Variants in FAT4 observed in about 807,000 individuals in gnomAD.
The protein encoded by FAT4 is protocadherin Fat 4.
A neutral mutation model predicts 303.9 loss-of-function variants in FAT4; 84 were observed. That is an observed-to-expected ratio of 0.28 (90% CI 0.23 to 0.33). The LOEUF is 0.33. FAT4 is among the 10% of genes least tolerant of loss of function. The pLI, the probability that FAT4 is intolerant of heterozygous loss-of-function variation, is 1.00. For missense variants in FAT4, 6,005 were observed against 6,146.8 expected (o/e 0.98, Z 0.77); for synonymous variants, 2,307 against 2,298.8 (o/e 1.00, Z -0.10).
intron 5 of FAT4, among the ~76,000 whole-genome samples, chr4:125,412,489 G>C (rs896478190): frequency 5.3e-5 from 8 of 151,484 alleles, no homozygotes; most frequent in African/African-American, 1.9e-4. Flanking sequence ...GAATATAAAA[G>C]CAAATTTTTC....
In FAT4 at chr4:125,468,924, C is replaced by T. The variant is rs1726766837; in HGVS notation, c.12213+105C>T. 3 of 1,216,020 alleles carry T rather than the reference C, an allele frequency of 2.5e-6. No homozygotes were observed. In the African/African-American group the frequency reaches 4.6e-5, roughly 19 times the overall value. 75.3% of individuals were successfully genotyped at this position (1,216,020 alleles called of 1,614,324 possible). A position where few individuals can be genotyped will look rare whatever the true frequency, so the allele number is the denominator to read the frequency against. On this transcript the variant is annotated intron_variant, in intron 12 of 17. Coordinates refer to ENST00000394329, the MANE Select transcript of FAT4 (RefSeq NM_001291303.3). ...AAATTAGGTTTATTCATTAAATGAA[C>T]ACTTTAGTTATGAAAAACTTAGACA...
chr4:125,463,985 A>G (rs1470317418), intron 11 of FAT4, among the ~76,000 whole-genome samples: 1 of 151,970 alleles, frequency 6.6e-6, no homozygotes, highest in Non-Finnish European at 1.5e-5. Flanking sequence ...TTCTGTAAGC[A>G]CTCTTTCACG....
At chr4:125,385,375 T>G (rs752350966) in intron 2 of FAT4, among the ~76,000 whole-genome samples, 3 of 152,138 alleles carry the variant, frequency 2.0e-5, no homozygotes, top group African/African-American at 4.8e-5. Flanking sequence ...ATTGATTCCT[T>G]AAATTAAATT....
rs1191767351 is a variant in FAT4 at position 125,342,202 on chromosome 4, AATAATTTT to A, written c.5175+20618_5175+20625del. The stretch of plus-strand genomic sequence containing the variant: ...TCAAACATATTAAAGAGTACTATAA[AATAATTTT>A]AACTTTTGATCTATAAATTTCTAAA... On this transcript the variant is annotated intron_variant, in intron 2 of 17. Coordinates refer to ENST00000394329, the MANE Select transcript of FAT4 (RefSeq NM_001291303.3). Among the ~76,000 whole-genome samples, 69 of 152,012 alleles carry A rather than the reference AATAATTTT, an allele frequency of 4.5e-4. 1 individual carries two copies. Among genetic ancestry groups the A allele is most frequent in the Non-Finnish European group, 1.6e-4 (11 of 67,880 alleles).
Position 125,315,632 on chromosome 4 carries a change from C to A in FAT4, c.-358C>A, listed in dbSNP as rs946501435. ...CCTGGCTGTTGTTTGTGCCGGACCA[C>A]GGGCTTGAAGCCGCAACAGGGGCGG... is the stretch of plus-strand genomic sequence containing the variant. On this transcript the variant is annotated 5_prime_UTR_variant, in exon 1 of 18. Coordinates refer to ENST00000394329, the MANE Select transcript of FAT4 (RefSeq NM_001291303.3). Among the ~76,000 whole-genome samples the A allele has an allele frequency of 2.6e-5, 4 of 152,176 alleles. No individual in the cohort carries two copies. Among genetic ancestry groups the A allele is most frequent in the Admixed American group, 1.3e-4 (2 of 15,288 alleles).
rs748075054 is a variant in FAT4, at chr4:125,451,603, C to A, written c.10593C>A (p.Thr3531=). 1.2e-6 allele frequency: 2 copies of A among 1,613,934 alleles called. No individual in the cohort carries two copies. Among genetic ancestry groups the A allele is most frequent in the African/African-American group, 1.3e-5 (1 of 74,876 alleles). ...ENKRPGTLVM[T]LQSTDPDLPP... ...AACGGCCAGGCACTTTGGTGATGAC[C>A]CTTCAGTCCACTGACCCTGATCTCC... The change falls in exon 10 of 18, where the codon ACC becomes ACA. Residue 3531 remains threonine (T), a synonymous_variant. Transcript: ENST00000394329.
intron 8 of FAT4, among the ~76,000 whole-genome samples, chr4:125,434,978 CTATA>C (rs1033334685): frequency 1.3e-5 from 2 of 152,180 alleles, no homozygotes; most frequent in African/African-American, 4.8e-5. Flanking sequence ...AGCAGCACTT[CTATA>C]ATACTCTGTT....
In FAT4 at chr4:125,440,610, T is replaced by TGTGTGTGAGAGAGA. The variant is rs372756130; in HGVS notation, c.7200-5682_7200-5681insTGTGTGAGAGAGAG. Among the ~76,000 whole-genome samples the TGTGTGTGAGAGAGA allele has an allele frequency of 7.5e-3, 571 of 75,720 alleles. 11 individuals are homozygous for TGTGTGTGAGAGAGA. The highest frequency in any genetic ancestry group is 0.026 in the African/African-American group (448 of 17,248). 49.7% of individuals were successfully genotyped at this position (75,720 alleles called of 152,430 possible). A position where few individuals can be genotyped will look rare whatever the true frequency, so the allele number is the denominator to read the frequency against. ...GTGTGTGTGTGTGTGTGTGTGTGTG[T>TGTGTGTGAGAGAGA]GAGAGAGAGAGAGAGAGAGAGAGAG... On this transcript the variant is annotated intron_variant, in intron 8 of 17. Coordinates refer to ENST00000394329, the MANE Select transcript of FAT4 (RefSeq NM_001291303.3).
chr4:125,330,674 A>G (rs1258964704), intron 2 of FAT4, among the ~76,000 whole-genome samples: 1 of 152,216 alleles, frequency 6.6e-6, no homozygotes, highest in South Asian at 2.1e-4. Flanking sequence ...AACATAGTAG[A>G]CACAATATAA....
chr4:125,346,665 A>T (rs1732015694), intron 2 of FAT4, among the ~76,000 whole-genome samples: 1 of 152,014 alleles, frequency 6.6e-6, no homozygotes, highest in African/African-American at 2.4e-5. Context: ...GAGAATGGAA[A>T]GGATGAAAAA....
chr4:125,464,834 T>C (rs1726605900), intron 11 of FAT4, among the ~76,000 whole-genome samples: 2 of 152,178 alleles, frequency 1.3e-5, no homozygotes, highest in South Asian at 4.1e-4. Flanking sequence ...ATGTCTCTTT[T>C]CTTAAGCAAG....
rs999521646 is a variant in FAT4 at position 125,319,563 on chromosome 4, A to C, written c.3152A>C (p.Gln1051Pro). 26 of 1,614,038 alleles carry C rather than the reference A, an allele frequency of 1.6e-5. No homozygotes were observed. Among genetic ancestry groups the C allele is most frequent in the Non-Finnish European group, 2.2e-5 (26 of 1,179,990 alleles). ...GCTTTTGGCATATTCCCAGATGGTCAATTGTATATAAAAAGTGAACTGGAC... is the reference window on the plus strand; with the variant it reads ...GCTTTTGGCATATTCCCAGATGGTCCATTGTATATAAAAAGTGAACTGGAC... Reference protein sequence around the residue: ...GDAFGIFPDGQLYIKSELDRE... With the variant: ...GDAFGIFPDGPLYIKSELDRE... Residue 1051 changes from glutamine to proline, a missense_variant, in exon 2 of 18, where the codon CAA becomes CCA. By Grantham distance (76) the Gln-to-Pro change is moderately conservative (BLOSUM62 -1). Coordinates refer to ENST00000394329, the MANE Select transcript of FAT4 (RefSeq NM_001291303.3).
chr4:125,419,615 T>G (rs1735208976), intron 7 of FAT4, among the ~76,000 whole-genome samples: 1 of 152,172 alleles, frequency 6.6e-6, no homozygotes, highest in Admixed American at 6.6e-5. Flanking sequence ...TTTCTAAGAA[T>G]AAAATTTAAA....
rs1257517080 is a variant in FAT4 at position 125,317,988 on chromosome 4, G to C, written c.1577G>C (p.Ser526Thr). The C allele has an allele frequency of 6.2e-7, 1 of 1,614,224 alleles. No individual in the cohort carries two copies. Among genetic ancestry groups the C allele is most frequent in the East Asian group, 2.2e-5 (1 of 44,866 alleles). ...AATGGACTGGGATGGTTCCATATCA[G>C]TGAACATAGCGGCCTCGTGACCACT... ...SGNGLGWFHI[S>T]EHSGLVTTGS... is the part of the protein sequence containing the mutation. The change falls in exon 2 of 18, where the codon AGT becomes ACT. Residue 526 changes from serine to threonine, a missense_variant. Coordinates refer to ENST00000394329, the MANE Select transcript of FAT4 (RefSeq NM_001291303.3). The surrounding 1 kb of genome is among the most constrained non-coding windows in gnomAD (Gnocchi z 7.0).
intron 2 of FAT4, among the ~76,000 whole-genome samples, chr4:125,398,126 C>T (rs1734251316): frequency 6.6e-6 from 1 of 152,066 alleles, no homozygotes; most frequent in African/African-American, 2.4e-5. Context: ...AGGAAGCAAA[C>T]AAATAACTCT....
rs1322796129 is a variant in FAT4, at chr4:125,320,544, T to C, written c.4133T>C (p.Leu1378Pro). Residue 1378 changes from leucine to proline, a missense_variant, in exon 2 of 18, where the codon CTG (leucine) becomes CCG (proline). Physicochemically the swap from Leu to Pro is moderately conservative, Grantham distance 98. Coordinates refer to ENST00000394329, the MANE Select transcript of FAT4 (RefSeq NM_001291303.3). ...GGGAGTATTTTTCTTGCCAAAAAAC[T>C]GGACTTTGAAACACAGTCTTTGTAT... ...NTGSIFLAKK[L>P]DFETQSLYKL... The C allele has an allele frequency of 1.2e-6, 2 of 1,613,888 alleles. No homozygotes were observed. The highest frequency in any genetic ancestry group is 2.7e-5 in the African/African-American group (2 of 74,914).
intron 2 of FAT4, among the ~76,000 whole-genome samples, chr4:125,335,288 T>C (rs1731527338): frequency 1.3e-5 from 2 of 152,102 alleles, no homozygotes; most frequent in Non-Finnish European, 2.9e-5. Context: ...CAAGAGAAAA[T>C]ATACTAATAG....
In FAT4 at chr4:125,316,725, T is replaced by A; in HGVS notation, c.314T>A (p.Val105Glu). The part of the protein sequence containing the change: ...TIDRESLPSD[V>E]INLVVLSSAP... The stretch of plus-strand genomic sequence containing the variant: ...GACCGCGAGAGCCTGCCCAGCGACG[T>A]GATCAACCTGGTGGTCCTTTCCAGC... The change falls in exon 2 of 18, where the codon GTG becomes GAG. Residue 105 changes from valine (V) to glutamate (E), a missense_variant. Physicochemically the swap from Val to Glu is moderately radical, Grantham distance 121. Coordinates refer to ENST00000394329, the MANE Select transcript of FAT4 (RefSeq NM_001291303.3). This position sits in a 1 kb window ranked among gnomAD's most constrained non-coding sequence, Gnocchi z 5.7. 6.2e-7 allele frequency: 1 copy of A among 1,613,908 alleles called. No individual in the cohort carries two copies. The highest frequency in any genetic ancestry group is 8.5e-7 in the Non-Finnish European group (1 of 1,180,034).
intron 15 of FAT4, among the ~76,000 whole-genome samples, 162 bp downstream of exon 15, chr4:125,480,027 A>T (rs1358650159): frequency 6.6e-6 from 1 of 152,208 alleles, no homozygotes; most frequent in Non-Finnish European, 1.5e-5. Context: ...TTTAAAAATT[A>T]TTTTTGTAAC....
Sources: allele counts gnomAD v4.1 joint callset (sites outside exome capture counted in the v4.1 genomes callset), GRCh38; gene constraint gnomAD v4.1.1; non-coding constraint Gnocchi (gnomAD v3.1); transcripts MANE v1.5; gene names NCBI Gene and HGNC (gene_info 2026-07-23, HGNC 2026-07-21).